Variants in UBAC1 observed in about 807,000 individuals in gnomAD.
UBAC1 encodes the protein ubiquitin-associated domain-containing protein 1.
Under a neutral mutation model 45.9 loss-of-function variants are expected in UBAC1, and 27 were observed. The ratio of observed to expected loss-of-function variants is 0.59; its 90% CI spans 0.43 to 0.81. UBAC1 has a LOEUF of 0.81. Ranked by LOEUF, UBAC1 falls within the 30% of genes least tolerant of loss-of-function variation. The probability of loss-of-function intolerance (pLI) is 0.00; values close to 1 mark genes in which losing one functional copy is unlikely to be tolerated. For synonymous variants in UBAC1, 227 were observed against 215.5 expected, an observed-to-expected ratio of 1.05 and a Z score of -0.47; for missense variants, 529 against 539.2, an observed-to-expected ratio of 0.98 and a Z score of 0.19.
At position 135,946,159 on chromosome 9, in the gene UBAC1, C is replaced by A; in HGVS notation, c.544+110G>T. 8 of 1,056,792 alleles carry A rather than the reference C, an allele frequency of 7.6e-6. No individual in the cohort carries two copies. In the South Asian group the frequency reaches 8.1e-5, roughly 11 times the overall value. The allele number at this position is 1,056,792 out of a possible 1,614,324, so 65.5% of individuals were successfully genotyped here. On this transcript the variant is annotated intron_variant, in intron 5 of 9. Coordinates refer to ENST00000371756, the MANE Select transcript of UBAC1 (RefSeq NM_016172.3). ...GGCAGGCCCCAGGCCCTCATCAGCG[C>A]TTCCATAAAGCACTGAGGTTCCGGT... is the stretch of plus-strand genomic sequence containing the variant.
Position 135,938,246 on chromosome 9 carries a change from G to C in UBAC1, c.1078C>G (p.Leu360Val), listed in dbSNP as rs770769047. ...ILDNPVVQLGLTNPKTLLAFE... is the reference protein window; with the variant it reads ...ILDNPVVQLGVTNPKTLLAFE... ...CCTAGCAATGTTTTCGGGTTGGTCA[G>C]GCCCAGCTGCACCACCGGGTTATCC... is the stretch of plus-strand genomic sequence containing the variant. Residue 360 changes from leucine (L) to valine (V), a missense_variant, in exon 9 of 10, where the codon CTG (leucine) becomes GTG (valine). Physicochemically the swap from Leu to Val is conservative, Grantham distance 32 (BLOSUM62 1). Transcript: ENST00000371756. 6.2e-6 allele frequency: 10 copies of C among 1,614,174 alleles called. No individual in the cohort carries two copies. Among genetic ancestry groups the C allele is most frequent in the Non-Finnish European group, 8.5e-6 (10 of 1,180,032 alleles).
chr9:135,952,389 G>T (rs905964676), intron 3 of UBAC1, among the ~76,000 whole-genome samples: 7 of 152,236 alleles, frequency 4.6e-5, no homozygotes. Flanking sequence ...GACAGCAGAG[G>T]AAAGTGGCTG....
intron 3 of UBAC1, among the ~76,000 whole-genome samples, chr9:135,951,973 G>C (rs920485913): frequency 7.9e-5 from 12 of 152,210 alleles, no homozygotes; most frequent in African/African-American, 2.7e-4. Context: ...CGGGTGTATG[G>C]TCAGACCCCG....
At chr9:135,960,950 G>A in intron 1 of UBAC1, 75 bp downstream of exon 1, 2 of 1,354,888 alleles carry the variant, frequency 1.5e-6, no homozygotes, top group Non-Finnish European at 1.9e-6. Flanking sequence ...GGGGCGGTTC[G>A]GGGACTGAGG....
At chr9:135,943,932 GAC>G (rs1564196106) in intron 7 of UBAC1, among the ~76,000 whole-genome samples, 1 of 152,140 alleles carries the variant, frequency 6.6e-6, no homozygotes, top group Non-Finnish European at 1.5e-5. Context: ...AGAACACATG[GAC>G]ACAGTGAGGG....
At chr9:135,959,138 C>T (rs1042037536) in intron 1 of UBAC1, among the ~76,000 whole-genome samples, 1 of 152,290 alleles carries the variant, frequency 6.6e-6, no homozygotes, top group Admixed American at 6.5e-5. Flanking sequence ...CCATGCACAT[C>T]GCACCGAGTG....
chr9:135,952,722 C>T (rs980321362), intron 3 of UBAC1, among the ~76,000 whole-genome samples: 3 of 152,218 alleles, frequency 2.0e-5, no homozygotes, highest in African/African-American at 4.8e-5. Flanking sequence ...CTGAAATGCC[C>T]GGGACCAGAA....
rs763154837 is a variant in UBAC1, at chr9:135,939,756, C to T, written c.880G>A (p.Val294Ile). 2.7e-5 allele frequency: 44 copies of T among 1,612,816 alleles called. No homozygotes were observed. Among genetic ancestry groups the T allele is most frequent in the Middle Eastern group, 1.6e-4 (1 of 6,074 alleles). ...KREFRADARA[V>I]ISLMEMGFDE... Reference sequence around the variant, plus strand: ...AACCCCATCTCCATCAGGGAAATGACGGCCTAGAGGACAGCACAGCCGTTA... The same window carrying T: ...AACCCCATCTCCATCAGGGAAATGATGGCCTAGAGGACAGCACAGCCGTTA... The change falls in exon 8 of 10, where the codon GTC becomes ATC. Residue 294 changes from valine to isoleucine, a missense_variant. Physicochemically the swap from Val to Ile is conservative, Grantham distance 29. Transcript: ENST00000371756.
Position 135,951,125 on chromosome 9 carries a change from TG to T in UBAC1, c.333+2554del, listed in dbSNP as rs551569379. On this transcript the variant is annotated intron_variant, in intron 3 of 9. Transcript: ENST00000371756. Reference sequence around the variant, plus strand: ...AGCCTAACTAACTTTTTATATTTTTTGTAGAGACAGGGTTTCATCATGCTGC... The same window carrying T: ...AGCCTAACTAACTTTTTATATTTTTTTAGAGACAGGGTTTCATCATGCTGC... 2.4e-3 allele frequency among the ~76,000 whole-genome samples: 370 copies of T among 152,166 alleles called. 1 individual carries two copies. The highest frequency in any genetic ancestry group is 4.4e-3 in the Non-Finnish European group (296 of 67,996).
rs1839222751 is a variant in UBAC1, at chr9:135,938,222, C to A, written c.1102G>T (p.Ala368Ser). The change falls in exon 9 of 10, where the codon GCA becomes TCA. Residue 368 changes from alanine (A) to serine (S), a missense_variant and splice_region_variant. Transcript: ENST00000371756. ...LGLTNPKTLL[A>S]FEDMLENPLN... is the part of the protein sequence containing the mutation. ...CTTAGCATAAAGAAGGCGCACATACCTAGCAATGTTTTCGGGTTGGTCAGG... is the reference window on the plus strand; with the variant it reads ...CTTAGCATAAAGAAGGCGCACATACATAGCAATGTTTTCGGGTTGGTCAGG... 1.2e-6 allele frequency: 2 copies of A among 1,613,628 alleles called. No homozygotes were observed. Among genetic ancestry groups the A allele is most frequent in the Non-Finnish European group, 1.7e-6 (2 of 1,179,864 alleles).
At chr9:135,940,666 C>T (rs1011851250) in intron 7 of UBAC1, among the ~76,000 whole-genome samples, 47 of 152,066 alleles carry the variant, frequency 3.1e-4, no homozygotes, top group African/African-American at 1.0e-3. Context: ...TATGCTAATT[C>T]GTTTTTGGGG....
At chr9:135,956,394 C>A (rs7030007) in intron 1 of UBAC1, among the ~76,000 whole-genome samples, 105,762 of 152,114 alleles carry the variant, frequency 0.7, 36,873 homozygotes, top group East Asian at 0.77. Context: ...TTGCGGGAGT[C>A]CTGCTTTCCT....
At chr9:135,940,280 G>GGA (rs1554728156) in intron 7 of UBAC1, among the ~76,000 whole-genome samples, 1 of 149,224 alleles carries the variant, frequency 6.7e-6, no homozygotes, top group Non-Finnish European at 1.5e-5. Context: ...TTTTATCTTA[G>GGA]AAAAAAAAAA....
rs1317991586 is a variant in UBAC1, at chr9:135,955,408, T to C, written c.146A>G (p.His49Arg). The C allele has an allele frequency of 6.4e-7, 1 of 1,562,712 alleles. No individual in the cohort carries two copies. The highest frequency in any genetic ancestry group is 8.6e-7 in the Non-Finnish European group (1 of 1,161,166). Residue 49 changes from histidine (H) to arginine (R), a missense_variant, in exon 2 of 10, where the codon CAT becomes CGT. Physicochemically the swap from His to Arg is conservative, Grantham distance 29. Transcript: ENST00000371756. ...ACTTTTGGGATCTTCTAAGCTCCCATGAGCACACTGGGGAAAAATAGAAAT... is the reference window on the plus strand; with the variant it reads ...ACTTTTGGGATCTTCTAAGCTCCCACGAGCACACTGGGGAAAAATAGAAAT... ...LKERCLKHCA[H>R]GSLEDPKSIT...
intron 3 of UBAC1, among the ~76,000 whole-genome samples, chr9:135,949,791 A>G (rs1307839667): frequency 6.6e-6 from 1 of 152,246 alleles, no homozygotes; most frequent in Non-Finnish European, 1.5e-5. Flanking sequence ...AGCAGGACAC[A>G]GTCCACTCTG....
intron 3 of UBAC1, among the ~76,000 whole-genome samples, chr9:135,950,404 G>A (rs182969330): frequency 6.6e-6 from 1 of 152,164 alleles, no homozygotes; most frequent in South Asian, 2.1e-4. Flanking sequence ...TGGAGGGAGG[G>A]AACACCCCAG....
chr9:135,947,158 C>T (rs556601062), intron 4 of UBAC1, among the ~76,000 whole-genome samples: 16 of 152,334 alleles, frequency 1.1e-4, no homozygotes, highest in African/African-American at 3.8e-4. Context: ...CGTGCCTGCC[C>T]TGCCTGCTGC....
chr9:135,953,675 T>G lies in UBAC1; in HGVS notation c.333+5A>C. ...AGGTCCCCAATTGCAAACTTTGAAA[T>G]TTACCTTTTCTTCTGCTGAGACATC... On this transcript the variant is annotated splice_donor_5th_base_variant and intron_variant, in intron 3 of 9. Transcript: ENST00000371756. 1 of 1,610,994 alleles carries G rather than the reference T, an allele frequency of 6.2e-7. No individual in the cohort carries two copies. The highest frequency in any genetic ancestry group is 8.5e-7 in the Non-Finnish European group (1 of 1,177,962).
Position 135,955,286 on chromosome 9 carries a change from C to A in UBAC1, c.259+9G>T. On this transcript the variant is annotated intron_variant, in intron 2 of 9. Transcript: ENST00000371756. ...CTGCTGCCAACCCGCCCGCCCACAG[C>A]AGCCTTACCTTGGTCCTGGATGTTC... 6.4e-7 allele frequency: 1 copy of A among 1,555,318 alleles called. No homozygotes were observed. The highest frequency in any genetic ancestry group is 8.7e-7 in the Non-Finnish European group (1 of 1,155,170).
Sources: allele counts gnomAD v4.1 joint callset (sites outside exome capture counted in the v4.1 genomes callset), GRCh38; gene constraint gnomAD v4.1.1; transcripts MANE v1.5; gene names NCBI Gene and HGNC (gene_info 2026-07-23, HGNC 2026-07-21).